ERBB4: variants seen among roughly 807,000 people sequenced by gnomAD.
The protein encoded by ERBB4 is receptor tyrosine-protein kinase erbB-4.
A neutral mutation model predicts 158.0 loss-of-function variants in ERBB4; 42 were observed. The ratio of observed to expected loss-of-function variants is 0.27; its 90% CI spans 0.21 to 0.34. The LOEUF (loss-of-function observed/expected upper bound fraction) is 0.34. ERBB4 is among the 10% of genes least tolerant of loss of function. The probability of loss-of-function intolerance (pLI) is 1.00; values close to 1 mark genes in which losing one functional copy is unlikely to be tolerated. For missense variants in ERBB4, 1,333 were observed against 1,624.1 expected (o/e 0.82, Z 3.08); for synonymous variants, 583 against 558.7 (o/e 1.04, Z -0.61).
chr2:211,513,320 C>T (rs975055645), intron 20 of ERBB4, among the ~76,000 whole-genome samples: 11 of 139,674 alleles, frequency 7.9e-5, no homozygotes, highest in Non-Finnish European at 3.0e-5. Flanking sequence ...CACTGCAGTC[C>T]GCAGTCCGGC....
At chr2:211,667,103 A>G (rs556600583) in intron 14 of ERBB4, among the ~76,000 whole-genome samples, 3,397 of 152,122 alleles carry the variant, frequency 0.022, 131 homozygotes, top group African/African-American at 0.077. Context: ...GCCAAAAAAA[A>G]AAAAATTGCA....
At chr2:211,573,870 C>A (rs929959587) in intron 19 of ERBB4, among the ~76,000 whole-genome samples, 1 of 151,990 alleles carries the variant, frequency 6.6e-6, no homozygotes, top group Non-Finnish European at 1.5e-5. Context: ...AATATTGTTG[C>A]CTTGATTTTT....
chr2:212,010,713 G>C (rs2076365457), intron 2 of ERBB4, among the ~76,000 whole-genome samples: 1 of 152,070 alleles, frequency 6.6e-6, no homozygotes, highest in Non-Finnish European at 1.5e-5. Context: ...AAATTTACCA[G>C]GGTGGAGTTT....
chr2:211,820,530 C>A (rs770035442), intron 3 of ERBB4, among the ~76,000 whole-genome samples: 5 of 151,804 alleles, frequency 3.3e-5, no homozygotes, highest in Admixed American at 6.6e-5. Context: ...AATACCAATT[C>A]TTTTCTAACT....
intron 20 of ERBB4, among the ~76,000 whole-genome samples, chr2:211,469,396 T>C (rs757988294): frequency 6.6e-6 from 1 of 152,122 alleles, no homozygotes; most frequent in Non-Finnish European, 1.5e-5. Flanking sequence ...TTTCATAGTC[T>C]GGTGGGGGAA....
intron 2 of ERBB4, among the ~76,000 whole-genome samples, chr2:211,959,416 T>C (rs1453036487): frequency 1.3e-5 from 2 of 152,152 alleles, no homozygotes; most frequent in Non-Finnish European, 2.9e-5. Context: ...TTTAAAATTT[T>C]ATGCATTGAA....
At chr2:211,515,574 C>G (rs945865153) in intron 20 of ERBB4, among the ~76,000 whole-genome samples, 1 of 151,750 alleles carries the variant, frequency 6.6e-6, no homozygotes, top group African/African-American at 2.4e-5. Flanking sequence ...TTGAATATGC[C>G]TCGGGGATGT....
At chr2:211,691,322 T>C (rs2072806756) in intron 12 of ERBB4, among the ~76,000 whole-genome samples, 1 of 152,162 alleles carries the variant, frequency 6.6e-6, no homozygotes, top group African/African-American at 2.4e-5. Flanking sequence ...GTAGAATTTT[T>C]AATACAGGGT....
intron 1 of ERBB4, among the ~76,000 whole-genome samples, chr2:212,240,939 G>A (rs1453210454): frequency 6.6e-6 from 1 of 151,978 alleles, no homozygotes; most frequent in Non-Finnish European, 1.5e-5. Flanking sequence ...TAATGGATAA[G>A]GAAATAAATT....
intron 1 of ERBB4, among the ~76,000 whole-genome samples, chr2:212,435,828 C>G (rs527648711): frequency 1.3e-5 from 2 of 152,002 alleles, no homozygotes; most frequent in Admixed American, 1.3e-4. Flanking sequence ...GACCCCAAAG[C>G]TCCAGCTTTT....
At chr2:212,407,090 A>C (rs2091367356) in intron 1 of ERBB4, among the ~76,000 whole-genome samples, 1 of 151,976 alleles carries the variant, frequency 6.6e-6, no homozygotes, top group South Asian at 2.1e-4. Context: ...TTCCCCTTCT[A>C]AATATGACTG....
chr2:211,664,385 A>G (rs1394510542), intron 15 of ERBB4, among the ~76,000 whole-genome samples: 3 of 151,450 alleles, frequency 2.0e-5, no homozygotes, highest in Non-Finnish European at 4.4e-5. Flanking sequence ...GTGTGTTTAT[A>G]TGTGTATGTG....
rs140914315 is a variant in ERBB4, at chr2:212,073,505, A to G, written c.234+51247T>C. On this transcript the variant is annotated intron_variant, in intron 2 of 27. Transcript: ENST00000342788. ...TTGTGGCCAGAACAATATATAAAAC[A>G]AAAGCAGCCCAGGTAGCTAGTCACC... 7.5e-3 allele frequency among the ~76,000 whole-genome samples: 1,147 copies of G among 152,080 alleles called. 15 individuals carry two copies. Among genetic ancestry groups the G allele is most frequent in the African/African-American group, 0.026 (1,095 of 41,528 alleles).
At chr2:211,534,383 T>C (rs2066587785) in intron 20 of ERBB4, among the ~76,000 whole-genome samples, 1 of 152,082 alleles carries the variant, frequency 6.6e-6, no homozygotes, top group South Asian at 2.1e-4. Flanking sequence ...TAAAAGGTAT[T>C]GTTAAACTAG....
chr2:212,252,179 A>T (rs1448395815), intron 1 of ERBB4, among the ~76,000 whole-genome samples: 1 of 152,096 alleles, frequency 6.6e-6, no homozygotes, highest in Non-Finnish European at 1.5e-5. Context: ...TATAAATTTG[A>T]GGGGTCATTT....
chr2:211,570,425 C>A (rs146766155), intron 19 of ERBB4, among the ~76,000 whole-genome samples: 3,053 of 150,682 alleles, frequency 0.02, 110 homozygotes, highest in African/African-American at 0.072. Flanking sequence ...CTTGGCCCCC[C>A]AAAGTGCTAG....
chr2:211,914,794 A>T (rs910381511), intron 3 of ERBB4, among the ~76,000 whole-genome samples: 1 of 152,172 alleles, frequency 6.6e-6, no homozygotes, highest in African/African-American at 2.4e-5. Context: ...CCTAACATTT[A>T]AATGTTTCAC....
intron 1 of ERBB4, among the ~76,000 whole-genome samples, chr2:212,328,574 A>G (rs2087975288): frequency 6.6e-6 from 1 of 152,032 alleles, no homozygotes; most frequent in Non-Finnish European, 1.5e-5. Context: ...ATCACCATTA[A>G]CAGAGGATTC....
intron 1 of ERBB4, among the ~76,000 whole-genome samples, chr2:212,344,477 T>C (rs928214053): frequency 1.6e-5 from 1 of 61,668 alleles, no homozygotes; most frequent in African/African-American, 1.1e-4. Context: ...TGTGTATATA[T>C]GTGTGTGTGT....
Sources: allele counts gnomAD v4.1 joint callset (sites outside exome capture counted in the v4.1 genomes callset), GRCh38; gene constraint gnomAD v4.1.1; transcripts MANE v1.5; gene names NCBI Gene and HGNC (gene_info 2026-07-23, HGNC 2026-07-21).